PDE8B: variants seen among roughly 807,000 people sequenced by gnomAD.
PDE8B encodes the protein high affinity cAMP-specific and IBMX-insensitive 3',5'-cyclic phosphodiesterase 8B.
PDE8B carries 26 observed loss-of-function variants against 101.3 expected under a neutral mutation model. The ratio of observed to expected loss-of-function variants is 0.26; its 90% CI spans 0.19 to 0.36. The LOEUF (loss-of-function observed/expected upper bound fraction) is 0.36. Ranked by LOEUF, PDE8B falls within the 10% of genes least tolerant of loss-of-function variation. The pLI is 1.00. For synonymous variants in PDE8B, 424 were observed against 429.3 expected, an observed-to-expected ratio of 0.99 and a Z score of 0.15; for missense variants, 810 against 1,163.1, an observed-to-expected ratio of 0.70 and a Z score of 4.42.
chr5:77,153,902 C>T, the PDE8B span, among the ~76,000 whole-genome samples: 1 of 152,106 alleles, frequency 6.6e-6, no homozygotes, highest in Non-Finnish European at 1.5e-5. Flanking sequence ...AAATGTTGTC[C>T]GATTTGCTAA....
At chr5:77,252,389 C>CAAGTAGGT (rs1284309615) in intron 1 of PDE8B, among the ~76,000 whole-genome samples, 1 of 152,204 alleles carries the variant, frequency 6.6e-6, no homozygotes, top group Non-Finnish European at 1.5e-5. Flanking sequence ...TCAATTTACC[C>CAAGTAGGT]AAGTAGGTTC....
intron 4 of PDE8B, among the ~76,000 whole-genome samples, chr5:77,329,577 G>A (rs1776720948): frequency 6.6e-6 from 1 of 152,194 alleles, no homozygotes; most frequent in African/African-American, 2.4e-5. Flanking sequence ...GCAAAGAAAA[G>A]GGATTGCGCT....
intron 8 of PDE8B, among the ~76,000 whole-genome samples, chr5:77,350,294 C>A (rs1461486110): frequency 6.6e-6 from 1 of 151,990 alleles, no homozygotes; most frequent in African/African-American, 2.4e-5. Flanking sequence ...AGATGATGAT[C>A]AAAATGTTTT....
chr5:77,116,682 C>A, the PDE8B span, among the ~76,000 whole-genome samples: 1 of 152,026 alleles, frequency 6.6e-6, no homozygotes, highest in African/African-American at 2.4e-5. Flanking sequence ...CAAATGTAAG[C>A]CTGTACAGCC....
At chr5:77,374,207 T>C (rs927547427) in intron 10 of PDE8B, among the ~76,000 whole-genome samples, 3 of 152,120 alleles carry the variant, frequency 2.0e-5, no homozygotes, top group African/African-American at 7.2e-5. Context: ...TCCAGCCTTC[T>C]TATGCTTGTT....
chr5:77,134,094 G>A, the PDE8B span, among the ~76,000 whole-genome samples: 2 of 152,154 alleles, frequency 1.3e-5, no homozygotes, highest in African/African-American at 4.8e-5. Context: ...AAGGAGGCTT[G>A]GGAATAGGAC....
At chr5:77,408,779 A>G in intron 13 of PDE8B, 114 bp from the exon 14 acceptor site, 1 of 866,966 alleles carries the variant, frequency 1.2e-6, no homozygotes, top group East Asian at 2.5e-5. Context: ...AGCACTGGTC[A>G]TTTTGAATAA....
chr5:77,154,860 C>A, the PDE8B span, among the ~76,000 whole-genome samples: 2 of 152,196 alleles, frequency 1.3e-5, no homozygotes, highest in African/African-American at 4.8e-5. Context: ...TGGTGCCCTG[C>A]AGTGGATTCT....
chr5:77,179,994 G>GC, the PDE8B span, among the ~76,000 whole-genome samples: 9 of 152,312 alleles, frequency 5.9e-5, no homozygotes, highest in Admixed American at 4.6e-4. Context: ...ATGATTGTGA[G>GC]TTGAGGGCTG....
At chr5:77,378,455 C>CT in intron 10 of PDE8B, among the ~76,000 whole-genome samples, 2 of 37,300 alleles carry the variant, frequency 5.4e-5, no homozygotes, top group Non-Finnish European at 4.7e-5. Context: ...AAGACTCCAT[C>CT]TAAAAAAAAA....
At chr5:77,104,110 A>G in the PDE8B span, among the ~76,000 whole-genome samples, 3 of 152,182 alleles carry the variant, frequency 2.0e-5, no homozygotes, top group Non-Finnish European at 2.9e-5. Flanking sequence ...ACAGAAAGCT[A>G]AGTGGGATCC....
chr5:77,236,093 A>G (rs906320302), intron 1 of PDE8B, among the ~76,000 whole-genome samples: 3 of 152,226 alleles, frequency 2.0e-5, no homozygotes, highest in Non-Finnish European at 2.9e-5. Flanking sequence ...AACTTTTGAG[A>G]TAAGACTTGA....
chr5:77,376,832 A>G (rs895221022), intron 10 of PDE8B, among the ~76,000 whole-genome samples: 3 of 152,116 alleles, frequency 2.0e-5, no homozygotes, highest in African/African-American at 7.2e-5. Context: ...ATCAAGTGCA[A>G]ATGAAGGCCT....
At chr5:77,248,938 G>T (rs899837292) in intron 1 of PDE8B, among the ~76,000 whole-genome samples, 5 of 152,194 alleles carry the variant, frequency 3.3e-5, no homozygotes, top group Admixed American at 2.6e-4. Context: ...CCATCTGTAA[G>T]CCAGCAAGAG....
the PDE8B span, among the ~76,000 whole-genome samples, chr5:77,101,555 T>G: frequency 6.6e-6 from 1 of 152,150 alleles, no homozygotes. Flanking sequence ...TTGCACTATG[T>G]TAGAAGGATC....
chr5:77,398,318 CTT>C (rs70988672), intron 10 of PDE8B, among the ~76,000 whole-genome samples: 35,597 of 114,048 alleles, frequency 0.31, 3,483 homozygotes, highest in South Asian at 0.45. Context: ...AGCTGTTTTA[CTT>C]TTTTTTTTTT....
the PDE8B span, among the ~76,000 whole-genome samples, chr5:77,159,889 T>A: frequency 6.6e-6 from 1 of 152,170 alleles, no homozygotes; most frequent in Admixed American, 6.6e-5. Flanking sequence ...AGATTTGGGG[T>A]CTTTCAGTGC....
chr5:77,102,290 T>C, the PDE8B span, among the ~76,000 whole-genome samples: 2 of 152,168 alleles, frequency 1.3e-5, no homozygotes, highest in African/African-American at 4.8e-5. Context: ...GTAGTTCCTG[T>C]CTGCACAAGA....
chr5:77,376,828 T>G (rs149968327), intron 10 of PDE8B, among the ~76,000 whole-genome samples: 116 of 152,300 alleles, frequency 7.6e-4, no homozygotes, highest in African/African-American at 2.5e-3. Flanking sequence ...GCTAATCAAG[T>G]GCAAATGAAG....
Sources: allele counts gnomAD v4.1 joint callset (sites outside exome capture counted in the v4.1 genomes callset), GRCh38; gene constraint gnomAD v4.1.1; transcripts MANE v1.5; gene names NCBI Gene and HGNC (gene_info 2026-07-23, HGNC 2026-07-21).